NXPE2: variants seen among roughly 807,000 people sequenced by gnomAD.
NXPE2 encodes the protein neurexophilin and PC-esterase domain family member 2.
In NXPE2, 34 loss-of-function variants were observed where a neutral mutation model predicts 34.4. The ratio of observed to expected loss-of-function variants is 0.99; its 90% confidence interval spans 0.75 to 1.31. NXPE2 has a LOEUF of 1.31. Ranked by LOEUF, NXPE2 falls within the 40% of genes most tolerant of loss-of-function variation. The pLI is 0.00. For missense variants in NXPE2, 649 were observed against 672.5 expected (o/e 0.97, Z 0.39); for synonymous variants, 235 against 231.3 (o/e 1.02, Z -0.15).
the NXPE2 span, among the ~76,000 whole-genome samples, chr11:114,546,653 A>G: frequency 6.6e-6 from 1 of 152,130 alleles, no homozygotes; most frequent in African/African-American, 2.4e-5. Context: ...AGACACCCCA[A>G]TAGTAACAAA....
the NXPE2 span, among the ~76,000 whole-genome samples, chr11:114,472,544 G>A: frequency 6.6e-6 from 1 of 152,194 alleles, no homozygotes; most frequent in East Asian, 1.9e-4. Context: ...GTCTTAGTCT[G>A]TGCAGGCTGC....
the NXPE2 span, among the ~76,000 whole-genome samples, chr11:114,597,303 C>A: frequency 6.6e-6 from 1 of 152,072 alleles, no homozygotes; most frequent in Non-Finnish European, 1.5e-5. Flanking sequence ...TCAATATATT[C>A]TTAAATTCAA....
At position 114,698,446 on chromosome 11, in the gene NXPE2, C is replaced by T. The variant is rs773961949; in HGVS notation, c.534C>T (p.Ser178=). 6.2e-7 allele frequency: 1 copy of T among 1,614,010 alleles called. No individual in the cohort carries two copies. The highest frequency in any genetic ancestry group is 1.7e-5 in the Admixed American group (1 of 60,008). ...TDFNNGTYLV[S]FTLFWEGQVS... ...TCAACAACGGCACCTACCTGGTCAGCTTCACTCTGTTCTGGGAGGGCCAGG... is the reference window on the plus strand; with the variant it reads ...TCAACAACGGCACCTACCTGGTCAGTTTCACTCTGTTCTGGGAGGGCCAGG... The change falls in exon 3 of 6, where the codon AGC becomes AGT. Residue 178 remains serine, a synonymous_variant. Coordinates refer to ENST00000389586, the MANE Select transcript of NXPE2 (RefSeq NM_182495.6).
At chr11:114,561,885 G>T in the NXPE2 span, among the ~76,000 whole-genome samples, 8 of 152,142 alleles carry the variant, frequency 5.3e-5, no homozygotes, top group Non-Finnish European at 1.2e-4. Flanking sequence ...AAGAATTCTT[G>T]AGTTAACATT....
the NXPE2 span, among the ~76,000 whole-genome samples, chr11:114,728,422 T>C: frequency 6.6e-6 from 1 of 152,252 alleles, no homozygotes; most frequent in African/African-American, 2.4e-5. Context: ...TTTTCATTCC[T>C]AATACCATTT....
At chr11:114,479,840 C>G in the NXPE2 span, among the ~76,000 whole-genome samples, 1 of 152,124 alleles carries the variant, frequency 6.6e-6, no homozygotes, top group Non-Finnish European at 1.5e-5. Flanking sequence ...GTTTATTTGG[C>G]TCACAGTTCT....
chr11:114,506,102 C>A, the NXPE2 span, among the ~76,000 whole-genome samples: 6 of 117,340 alleles, frequency 5.1e-5, no homozygotes, highest in South Asian at 2.7e-4. Context: ...GACTTTAAAC[C>A]AAGAAATATT....
chr11:114,646,636 T>C, the NXPE2 span, among the ~76,000 whole-genome samples: 1 of 152,288 alleles, frequency 6.6e-6, no homozygotes, highest in Middle Eastern at 3.4e-3. Context: ...GTATTTTTAC[T>C]ATAACACCAC....
the NXPE2 span, among the ~76,000 whole-genome samples, chr11:114,514,110 A>G: frequency 5.3e-5 from 8 of 152,208 alleles, no homozygotes; most frequent in East Asian, 9.7e-4. Flanking sequence ...CATAAAATGC[A>G]TTGTTCTGTG....
the NXPE2 span, among the ~76,000 whole-genome samples, chr11:114,639,880 A>AT: frequency 3.7e-5 from 2 of 53,844 alleles, no homozygotes; most frequent in African/African-American, 9.9e-5. Flanking sequence ...ATTAAATATA[A>AT]AATATGTTAT....
At chr11:114,716,327 G>C in the NXPE2 span, among the ~76,000 whole-genome samples, 1 of 152,102 alleles carries the variant, frequency 6.6e-6, no homozygotes, top group Non-Finnish European at 1.5e-5. Context: ...TGCCTCTTCT[G>C]CATGTCATGA....
chr11:114,791,191 A>G, the NXPE2 span, among the ~76,000 whole-genome samples: 49,459 of 151,862 alleles, frequency 0.33, 9,260 homozygotes, highest in Non-Finnish European at 0.41. Flanking sequence ...GAAAAAAAAA[A>G]AAAGGGTGAG....
At chr11:114,662,855 T>C in the NXPE2 span, among the ~76,000 whole-genome samples, 1 of 152,178 alleles carries the variant, frequency 6.6e-6, no homozygotes, top group Non-Finnish European at 1.5e-5. Context: ...AGTTATCACC[T>C]GCTATCTGCA....
At chr11:114,783,017 C>T in the NXPE2 span, among the ~76,000 whole-genome samples, 1 of 152,164 alleles carries the variant, frequency 6.6e-6, no homozygotes, top group African/African-American at 2.4e-5. Flanking sequence ...CGAAATCTCA[C>T]CAGAGATTGC....
At chr11:114,709,519 A>G (rs575362393), downstream of NXPE2, among the ~76,000 whole-genome samples, 10 of 152,352 alleles carry the variant, frequency 6.6e-5, no homozygotes, top group African/African-American at 2.4e-4. Flanking sequence ...AGACTTGAGC[A>G]AGCCATTTGA....
At chr11:114,702,095 C>T (rs1001999) in intron 3 of NXPE2, among the ~76,000 whole-genome samples, 60,738 of 151,940 alleles carry the variant, frequency 0.4, 12,584 homozygotes, top group South Asian at 0.49. Context: ...AAAAAGTCTT[C>T]TTCTTTTTAA....
the NXPE2 span, among the ~76,000 whole-genome samples, chr11:114,486,609 T>G: frequency 2.0e-5 from 3 of 152,306 alleles, no homozygotes; most frequent in African/African-American, 7.2e-5. Flanking sequence ...AATGTTTTCT[T>G]CTAGTAGTTT....
At chr11:114,520,569 T>A in the NXPE2 span, among the ~76,000 whole-genome samples, 2 of 152,242 alleles carry the variant, frequency 1.3e-5, no homozygotes, top group African/African-American at 4.8e-5. Context: ...AATGCTGCAG[T>A]GAGCATGAGA....
chr11:114,670,303 T>C, the NXPE2 span, among the ~76,000 whole-genome samples: 1 of 151,976 alleles, frequency 6.6e-6, no homozygotes, highest in Non-Finnish European at 1.5e-5. Context: ...CCCAAGATGA[T>C]TGTGTGCATG....
Sources: allele counts gnomAD v4.1 joint callset (sites outside exome capture counted in the v4.1 genomes callset), GRCh38; gene constraint gnomAD v4.1.1; transcripts MANE v1.5; gene names NCBI Gene and HGNC (gene_info 2026-07-23, HGNC 2026-07-21).